The following BLM variants were observed in gnomAD, a reference collection of about 807,000 sequenced individuals.
BLM encodes recQ-like DNA helicase BLM.
In BLM, 95 loss-of-function variants were observed where a neutral mutation model predicts 135.3. The observed-to-expected ratio is 0.70, with a 90% CI of 0.59 to 0.83. BLM has a LOEUF of 0.83. Ranked by LOEUF, BLM falls within the 40% of genes least tolerant of loss-of-function variation. The pLI is 0.00. For missense variants in BLM, 1,518 were observed against 1,663.9 expected, an observed-to-expected ratio of 0.91 and a Z score of 1.53; for synonymous variants, 520 against 589.2, an observed-to-expected ratio of 0.88 and a Z score of 1.70.
chr15:90,790,477 A>G lies in BLM; in HGVS notation c.2824-172A>G, dbSNP rs932208069. 10 of 655,750 alleles carry G rather than the reference A, an allele frequency of 1.5e-5. No individual in the cohort carries two copies. In the African/African-American group the frequency reaches 1.5e-4, roughly 10 times the overall value. The allele number at this position is 655,750 out of a possible 1,614,324, so 40.6% of individuals were successfully genotyped here. ...TAATGGCATTGCAAGTTATCAGTAT[A>G]AAAACTCATATTAGTTATACTAAAT... On this transcript the variant is annotated intron_variant, in intron 14 of 21. Coordinates refer to ENST00000355112, the MANE Select transcript of BLM (RefSeq NM_000057.4).
At chr15:90,794,403 TCTTA>T in intron 16 of BLM, 46 bp downstream of exon 16, 1 of 1,410,150 alleles carries the variant, frequency 7.1e-7, no homozygotes. Context: ...ATTTTTTTTC[TCTTA>T]CTTTAAAAAT....
rs866371731 is a variant in BLM at position 90,744,500 on chromosome 15, G to C, written c.-4-2889G>C. On this transcript the variant is annotated intron_variant, in intron 1 of 21. Coordinates refer to ENST00000355112, the MANE Select transcript of BLM (RefSeq NM_000057.4). Reference sequence around the variant, plus strand: ...CAATTATCCTGCCTCAGCTTCCCAAGTAACTGGGATTACAGGCACATGCCA... The same window carrying C: ...CAATTATCCTGCCTCAGCTTCCCAACTAACTGGGATTACAGGCACATGCCA... Among the ~76,000 whole-genome samples, 36 of 152,062 alleles carry C rather than the reference G, an allele frequency of 2.4e-4. 1 individual carries two copies. The highest frequency in any genetic ancestry group is 1.9e-3 in the South Asian group (9 of 4,820).
intron 4 of BLM, among the ~76,000 whole-genome samples, chr15:90,752,333 G>A (rs1895710369): frequency 1.3e-5 from 2 of 152,014 alleles, no homozygotes; most frequent in Non-Finnish European, 2.9e-5. Flanking sequence ...ACACCACCAT[G>A]CCTGGCTAAT....
chr15:90,755,082 T>C, intron 5 of BLM, 144 bp downstream of exon 5: 1 of 1,059,594 alleles, frequency 9.4e-7, no homozygotes, highest in Middle Eastern at 2.9e-4. Context: ...GTCATAACCT[T>C]GTTTACTGGT....
rs765636566 is a variant in BLM, at chr15:90,782,922, C to T, written c.2656C>T (p.His886Tyr). The T allele has an allele frequency of 1.2e-6, 2 of 1,608,496 alleles. No individual in the cohort carries two copies. Among genetic ancestry groups the T allele is most frequent in the Admixed American group, 1.7e-5 (1 of 60,010 alleles). The part of the protein sequence containing the change: ...FDCLEWIRKH[H>Y]PYDSGIIYCL... ...TTGCCTAGAATGGATCAGAAAGCAC[C>T]ACCCATGTGAGTACAGCCATGTGAT... The change falls in exon 13 of 22, where the codon CAC becomes TAC. Residue 886 changes from histidine (H) to tyrosine (Y), a missense_variant. Physicochemically the swap from His to Tyr is moderately conservative, Grantham distance 83. Coordinates refer to ENST00000355112, the MANE Select transcript of BLM (RefSeq NM_000057.4).
chr15:90,799,926 T>G (rs28385125), intron 17 of BLM, among the ~76,000 whole-genome samples: 23,357 of 152,078 alleles, frequency 0.15, 1,913 homozygotes, highest in Non-Finnish European at 0.19. Context: ...AACAAATGAC[T>G]GTTAGGAAAG....
rs2151159204 is a variant in BLM at position 90,761,248 on chromosome 15, T to C, written c.1875T>C (p.Asn625=). The C allele has an allele frequency of 2.6e-6, 4 of 1,528,628 alleles. No homozygotes were observed. Among genetic ancestry groups the C allele is most frequent in the Non-Finnish European group, 3.5e-6 (4 of 1,139,846 alleles). The allele number at this position is 1,528,628 out of a possible 1,614,324, so 94.7% of individuals were successfully genotyped here. A position where few individuals can be genotyped will look rare whatever the true frequency, so the allele number is the denominator to read the frequency against. Residue 625 remains asparagine (N), a synonymous_variant, in exon 7 of 22, where the codon AAT becomes AAC. Transcript: ENST00000355112. The stretch of plus-strand genomic sequence containing the variant: ...TAAACTTCTCAGAGTCAATTCAGAA[T>C]TATACTGGTAAGTTTAAAATAAATT... ...QNINFSESIQ[N]YTDKSAQNLA...
rs1397343262 is a variant in BLM at position 90,815,832 on chromosome 15, C to T, written c.*553C>T. 2 of 154,960 alleles carry T rather than the reference C, an allele frequency of 1.3e-5. No homozygotes were observed. The highest frequency in any genetic ancestry group is 3.8e-4 in the East Asian group (2 of 5,256). The allele number at this position is 154,960 out of a possible 1,614,324, so 9.6% of individuals were successfully genotyped here. A position where few individuals can be genotyped will look rare whatever the true frequency, so the allele number is the denominator to read the frequency against. On this transcript the variant is annotated 3_prime_UTR_variant, in exon 22 of 22. Coordinates refer to ENST00000355112, the MANE Select transcript of BLM (RefSeq NM_000057.4). The surrounding 1 kb of genome is among the most constrained non-coding windows in gnomAD (Gnocchi z 4.6). ...CTGTGGCTCACGCCTGGGATCCCAG[C>T]ACTTTGGGAGGCCGAGGCAGGTGGA... is the stretch of plus-strand genomic sequence containing the variant.
Position 90,738,564 on chromosome 15 carries a change from A to AAAAACAAAAC in BLM, c.-4-8795_-4-8786dup, listed in dbSNP as rs71463768. Among the ~76,000 whole-genome samples the AAAAACAAAAC allele has an allele frequency of 6.6e-3, 985 of 149,296 alleles. 6 individuals are homozygous for AAAAACAAAAC. Among genetic ancestry groups the AAAAACAAAAC allele is most frequent in the African/African-American group, 0.014 (572 of 40,650 alleles). The stretch of plus-strand genomic sequence containing the variant: ...GGTGACAGAGTGAAACCCTGTTTCA[A>AAAAACAAAAC]AAAACAAAACAAAACAAAACAAAAC... On this transcript the variant is annotated intron_variant, in intron 1 of 21. Coordinates refer to ENST00000355112, the MANE Select transcript of BLM (RefSeq NM_000057.4).
intron 1 of BLM, among the ~76,000 whole-genome samples, chr15:90,744,574 A>T (rs1189746565): frequency 6.6e-6 from 1 of 151,730 alleles, no homozygotes. Flanking sequence ...GATTCACCAT[A>T]TTGGCCAGGT....
chr15:90,754,084 C>G (rs529542180), intron 4 of BLM, among the ~76,000 whole-genome samples: 1 of 152,320 alleles, frequency 6.6e-6, no homozygotes, highest in East Asian at 1.9e-4. Flanking sequence ...TAGTCTGACA[C>G]TTTCCCCATA....
intron 10 of BLM, among the ~76,000 whole-genome samples, chr15:90,767,618 G>T (rs1896169888): frequency 1.3e-5 from 2 of 152,142 alleles, no homozygotes. Flanking sequence ...ATGTTCTCAT[G>T]CCCACTGTCA....
chr15:90,763,043 GA>G lies in BLM; in HGVS notation c.1963del (p.Met655Ter). 6.2e-7 allele frequency: 1 copy of G among 1,613,870 alleles called. No individual in the cohort carries two copies. Among genetic ancestry groups the G allele is most frequent in the Non-Finnish European group, 8.5e-7 (1 of 1,179,940 alleles). ...AAGTCTTAGTTTTCCTCATACAAAGGAAATGATGAAGATTTTTCATAAAAAA... is the reference window on the plus strand; with the variant it reads ...AAGTCTTAGTTTTCCTCATACAAAGGAATGATGAAGATTTTTCATAAAAAA... ...FQSLSFPHTK[E>X]MMKIFHKKFG... On this transcript the variant is annotated frameshift_variant, in exon 8 of 22. Transcript: ENST00000355112. LOFTEE classifies it high-confidence loss of function.
rs143635021 is a variant in BLM, at chr15:90,744,649, C to T, written c.-4-2740C>T. 4.8e-3 allele frequency among the ~76,000 whole-genome samples: 735 copies of T among 152,108 alleles called. 12 individuals carry two copies. Among genetic ancestry groups the T allele is most frequent in the East Asian group, 0.026 (133 of 5,142 alleles). On this transcript the variant is annotated intron_variant, in intron 1 of 21. Transcript: ENST00000355112. Reference sequence around the variant, plus strand: ...CCTTCCAAAGTGCTGGGATTACAGGCGTGAGCCACCGTGCCCAGCCAAGAT... The same window carrying T: ...CCTTCCAAAGTGCTGGGATTACAGGTGTGAGCCACCGTGCCCAGCCAAGAT...
chr15:90,783,677 A>C (rs1385468600), intron 13 of BLM, among the ~76,000 whole-genome samples: 2 of 152,202 alleles, frequency 1.3e-5, no homozygotes, highest in Non-Finnish European at 2.9e-5. Flanking sequence ...AGGTGGGTGA[A>C]TCACTTGAGG....
At chr15:90,769,808 G>A (rs1896255917) in intron 12 of BLM, among the ~76,000 whole-genome samples, 1 of 151,984 alleles carries the variant, frequency 6.6e-6, no homozygotes, top group Admixed American at 6.6e-5. Context: ...CAGAGTTTGG[G>A]AACCAGAGTC....
chr15:90,729,177 G>T (rs955807741), intron 1 of BLM, among the ~76,000 whole-genome samples: 5 of 152,096 alleles, frequency 3.3e-5, no homozygotes, highest in Non-Finnish European at 7.4e-5. Flanking sequence ...AGGCATGGTG[G>T]TACGCGCTTG....
Position 90,809,181 on chromosome 15 carries a change from G to A in BLM, c.3796G>A (p.Val1266Ile), listed in dbSNP as rs2151198303. 1 of 1,614,134 alleles carries A rather than the reference G, an allele frequency of 6.2e-7. No homozygotes were observed. The highest frequency in any genetic ancestry group is 8.5e-7 in the Non-Finnish European group (1 of 1,179,980). ...TGAGGTTTTGCTTCAAATTGATGGT[G>A]TTACTGAAGACAAACTGGAAAAATA... is the stretch of plus-strand genomic sequence containing the variant. Reference protein sequence around the residue: ...DPEVLLQIDGVTEDKLEKYGA... With the variant: ...DPEVLLQIDGITEDKLEKYGA... The change falls in exon 20 of 22, where the codon GTT (valine) becomes ATT (isoleucine). Residue 1266 changes from valine (V) to isoleucine (I), a missense_variant. This residue lies in a region of BLM where 2 missense variants were observed against 16.7 expected (regional missense o/e 0.12). Coordinates refer to ENST00000355112, the MANE Select transcript of BLM (RefSeq NM_000057.4).
intron 19 of BLM, among the ~76,000 whole-genome samples, chr15:90,808,330 G>C (rs1050203390): frequency 1.3e-5 from 2 of 152,188 alleles, no homozygotes; most frequent in Non-Finnish European, 2.9e-5. Flanking sequence ...TCTTTGCTCA[G>C]CTCAAATACA....
Sources: gnomAD v4.1 joint callset for allele counts (sites outside exome capture counted in the v4.1 genomes callset) on GRCh38, gnomAD v4.1.1 for gene constraint, gnomAD v4.1.1 regional missense constraint, Gnocchi (gnomAD v3.1) non-coding constraint, MANE v1.5 for transcripts, NCBI Gene and HGNC (gene_info 2026-07-23, HGNC 2026-07-21) for gene names.